Variants in PSMD5 observed in about 807,000 individuals in gnomAD.
PSMD5 encodes proteasome 26S subunit, non-ATPase 5.
A neutral mutation model predicts 52.1 loss-of-function variants in PSMD5; 40 were observed. The ratio of observed to expected loss-of-function variants is 0.77; its 90% CI spans 0.60 to 1.00. PSMD5 has a LOEUF of 1.00. Ranked by LOEUF, PSMD5 falls within the 50% of genes least tolerant of loss-of-function variation. The pLI is 0.00. For missense variants in PSMD5, 575 were observed against 605.2 expected, an observed-to-expected ratio of 0.95 and a Z score of 0.52; for synonymous variants, 211 against 226.6, an observed-to-expected ratio of 0.93 and a Z score of 0.62.
intron 1 of PSMD5, 34 bp downstream of exon 1, chr9:120,842,703 C>T (rs1447609943): frequency 6.2e-7 from 1 of 1,610,738 alleles, no homozygotes; most frequent in African/African-American, 1.3e-5. Context: ...AGGGGTGCCC[C>T]TCTCCTCGGC....
chr9:120,842,821 T>C lies in PSMD5; in HGVS notation c.89A>G (p.Gln30Arg), dbSNP rs748353149. Residue 30 changes from glutamine (Q) to arginine (R), a missense_variant, in exon 1 of 10, where the codon CAG (glutamine) becomes CGG (arginine). Transcript: ENST00000210313. The stretch of plus-strand genomic sequence containing the variant: ...GCGAAGCTCGTTGAGCGGCACTGCC[T>C]GCAGCACGGAGTGAAGCGCGCGTAG... ...EELRALHSVLQAVPLNELRQQ... is the reference protein window; with the variant it reads ...EELRALHSVLRAVPLNELRQQ... The C allele has an allele frequency of 6.2e-7, 1 of 1,611,774 alleles. No individual in the cohort carries two copies. Among genetic ancestry groups the C allele is most frequent in the South Asian group, 1.1e-5 (1 of 90,918 alleles).
rs186841024 is a variant in PSMD5 at position 120,820,879 on chromosome 9, G to T, written c.1217C>A (p.Pro406His). 68 of 1,606,300 alleles carry T rather than the reference G, an allele frequency of 4.2e-5. No homozygotes were observed. In the African/African-American group the frequency reaches 8.0e-4, roughly 19 times the overall value. Residue 406 changes from proline (P) to histidine (H), a missense_variant, in exon 9 of 10, where the codon CCC (proline) becomes CAC (histidine). Physicochemically the swap from Pro to His is moderately conservative, Grantham distance 77. Transcript: ENST00000210313. ...LELFRGISSQ[P>H]FPELHCAALK... ...GGCAGCACAGTGTAGTTCAGGGAAG[G>T]GCTGACTACTAATGCCACGGAAGAG...
Position 120,817,950 on chromosome 9 carries a change from A to C in PSMD5, c.1471T>G (p.Tyr491Asp), listed in dbSNP as rs778231981. ...LRTYLSEGPY[Y>D]VKPVSTTAVE... ...GCTGTCGTGGAAACAGGTTTCACAT[A>C]GTATGGCCCTTCACTCAGGTAAGTT... Residue 491 changes from tyrosine to aspartate, a missense_variant, in exon 10 of 10, where the codon TAT (tyrosine) becomes GAT (aspartate). Tyr to Asp is a radical substitution (Grantham distance 160, BLOSUM62 -3). Transcript: ENST00000210313. 4.3e-6 allele frequency: 7 copies of C among 1,614,208 alleles called. No homozygotes were observed. The highest frequency in any genetic ancestry group is 5.9e-6 in the Non-Finnish European group (7 of 1,180,014).
rs563891805 is a variant in PSMD5, at chr9:120,818,090, C to T, written c.1331G>A (p.Arg444Gln). The part of the protein sequence containing the change: ...SPGFVEYVVD[R>Q]SVEHDKASKD... ...TGAAGCTTTGTCATGCTCCACAGACCGGTCCACCACATATTCTACAAAACC... is the reference window on the plus strand; with the variant it reads ...TGAAGCTTTGTCATGCTCCACAGACTGGTCCACCACATATTCTACAAAACC... Residue 444 changes from arginine (R) to glutamine (Q), a missense_variant, in exon 10 of 10, where the codon CGG becomes CAG. Coordinates refer to ENST00000210313, the MANE Select transcript of PSMD5 (RefSeq NM_005047.4). 8 of 1,614,146 alleles carry T rather than the reference C, an allele frequency of 5.0e-6. No homozygotes were observed. The highest frequency in any genetic ancestry group is 2.2e-5 in the South Asian group (2 of 91,084).
intron 2 of PSMD5, 90 bp from the exon 3 acceptor site, chr9:120,832,035 T>G: frequency 1.3e-6 from 2 of 1,515,188 alleles, no homozygotes; most frequent in South Asian, 1.3e-5. Context: ...GCACAGTTAT[T>G]TTAGGAGTTA....
intron 1 of PSMD5, among the ~76,000 whole-genome samples, chr9:120,840,895 G>A (rs941178734): frequency 1.3e-5 from 2 of 152,046 alleles, no homozygotes; most frequent in Non-Finnish European, 2.9e-5. Context: ...TGGGATTACA[G>A]GCGTGAGCCA....
In PSMD5 at chr9:120,817,699, C is replaced by G. The variant is rs2131417235; in HGVS notation, c.*207G>C. 3 of 568,122 alleles carry G rather than the reference C, an allele frequency of 5.3e-6. No individual in the cohort carries two copies. The highest frequency in any genetic ancestry group is 2.8e-5 in the South Asian group (1 of 35,154). 35.2% of individuals were successfully genotyped at this position (568,122 alleles called of 1,614,324 possible). A position where few individuals can be genotyped will look rare whatever the true frequency, so the allele number is the denominator to read the frequency against. ...AAACACTGGATCTATTATGACCAAG[C>G]TTGTCTGCTCTTAATGCATTCCAAA... On this transcript the variant is annotated 3_prime_UTR_variant, in exon 10 of 10. Coordinates refer to ENST00000210313, the MANE Select transcript of PSMD5 (RefSeq NM_005047.4).
intron 1 of PSMD5, 29 bp from the exon 2 acceptor site, chr9:120,833,485 T>C: frequency 1.3e-6 from 2 of 1,597,786 alleles, no homozygotes; most frequent in Non-Finnish European, 8.6e-7. Context: ...ATCTTATTAG[T>C]TCATATCCTG....
intron 4 of PSMD5, among the ~76,000 whole-genome samples, chr9:120,829,715 C>A (rs2045147084): frequency 6.6e-6 from 1 of 152,132 alleles, no homozygotes; most frequent in Admixed American, 6.6e-5. Context: ...CAGAAATGTT[C>A]CATTATATCT....
chr9:120,840,013 A>C (rs950506202), intron 1 of PSMD5, among the ~76,000 whole-genome samples: 1 of 150,482 alleles, frequency 6.6e-6, no homozygotes, highest in African/African-American at 2.4e-5. Flanking sequence ...CTATAGTCCC[A>C]GCTACTCAGG....
intron 4 of PSMD5, 95 bp from the exon 5 acceptor site, chr9:120,829,303 T>C: frequency 7.8e-7 from 1 of 1,284,042 alleles, no homozygotes; most frequent in Non-Finnish European, 1.0e-6. Context: ...GACTAGGTAC[T>C]TTTTATAAAT....
At chr9:120,824,863 G>T in intron 6 of PSMD5, 178 bp from the exon 7 acceptor site, 1 of 517,276 alleles carries the variant, frequency 1.9e-6, no homozygotes, top group Non-Finnish European at 3.3e-6. Context: ...CCTGTGATGT[G>T]TGATCCTGAG....
At chr9:120,822,836 A>T (rs946961321) in intron 7 of PSMD5, among the ~76,000 whole-genome samples, 12 of 148,148 alleles carry the variant, frequency 8.1e-5, no homozygotes, top group Non-Finnish European at 1.8e-4. Flanking sequence ...CTCTTTTTAA[A>T]TTTTTTTTTT....
At chr9:120,829,078 T>G in intron 5 of PSMD5, 21 bp downstream of exon 5, 2 of 1,538,808 alleles carry the variant, frequency 1.3e-6, no homozygotes, top group Non-Finnish European at 1.8e-6. Flanking sequence ...ATATTTCACT[T>G]TAAGAACTCA....
chr9:120,824,092 A>G, intron 7 of PSMD5: 1 of 183,862 alleles, frequency 5.4e-6, no homozygotes. Context: ...GGTAACAGAG[A>G]GACACTCTCA....
At chr9:120,841,375 C>A (rs767012074) in intron 1 of PSMD5, among the ~76,000 whole-genome samples, 1 of 151,902 alleles carries the variant, frequency 6.6e-6, no homozygotes, top group Admixed American at 6.5e-5. Flanking sequence ...GTCCGTAGAT[C>A]GAGACCATCC....
At chr9:120,822,109 T>C (rs1414383386) in intron 7 of PSMD5, among the ~76,000 whole-genome samples, 1 of 152,124 alleles carries the variant, frequency 6.6e-6, no homozygotes, top group African/African-American at 2.4e-5. Context: ...CACTTATTAT[T>C]TTATGGGTTT....
chr9:120,824,504 T>TA lies in PSMD5; in HGVS notation c.995dup (p.Leu332PhefsTer9). 1 of 1,614,160 alleles carries TA rather than the reference T, an allele frequency of 6.2e-7. No individual in the cohort carries two copies. On this transcript the variant is annotated frameshift_variant, in exon 7 of 10. Coordinates refer to ENST00000210313, the MANE Select transcript of PSMD5 (RefSeq NM_005047.4). LOFTEE classifies it high-confidence loss of function. ...CCAAGTCATACCAACCTGTTTTCTG[T>TA]AAAACCTGTTTTCCTTCAACATTGG...
chr9:120,832,949 CTT>C (rs2045171609), intron 2 of PSMD5, among the ~76,000 whole-genome samples: 1 of 152,194 alleles, frequency 6.6e-6, no homozygotes, highest in Admixed American at 6.5e-5. Context: ...ACATAGGAAT[CTT>C]TTTCTTTACA....
Sources: allele counts gnomAD v4.1 joint callset (sites outside exome capture counted in the v4.1 genomes callset), GRCh38; gene constraint gnomAD v4.1.1; transcripts MANE v1.5; gene names NCBI Gene and HGNC (gene_info 2026-07-23, HGNC 2026-07-21).